Variants in BCAS3 observed in about 807,000 individuals in gnomAD.
The protein encoded by BCAS3 is BCAS4/BCAS3 fusion.
In BCAS3, 53 loss-of-function variants were observed where a neutral mutation model predicts 116.1. The observed-to-expected ratio is 0.46, with a 90% confidence interval of 0.37 to 0.57. The LOEUF (loss-of-function observed/expected upper bound fraction) is 0.57, where lower values mean the gene tolerates loss of function less well. BCAS3 is among the 20% of genes least tolerant of loss of function. BCAS3 has a pLI of 0.00. For missense variants in BCAS3, 917 were observed against 1,165.4 expected, an observed-to-expected ratio of 0.79 and a Z score of 3.10; for synonymous variants, 391 against 408.2, an observed-to-expected ratio of 0.96 and a Z score of 0.51.
intron 7 of BCAS3, among the ~76,000 whole-genome samples, chr17:60,839,604 CTTTTCT>C (rs914832082): frequency 1.1e-4 from 17 of 152,096 alleles, no homozygotes; most frequent in Non-Finnish European, 4.4e-5. Flanking sequence ...TTTCCATTTT[CTTTTCT>C]TTTTCTTTTT....
rs1428276210 is a variant in BCAS3, at chr17:61,208,020, TAAC to T, written c.2425+123459_2425+123461del. 2.0e-5 allele frequency among the ~76,000 whole-genome samples: 3 copies of T among 152,146 alleles called. No homozygotes were observed. The highest frequency in any genetic ancestry group is 4.1e-4 in the South Asian group (2 of 4,828). On this transcript the variant is annotated intron_variant, in intron 22 of 23. Transcript: ENST00000407086. This position sits in a 1 kb window ranked among gnomAD's most constrained non-coding sequence, Gnocchi z 4.5. ...TTACTATTAGTCTTTTATATGGAAA[TAAC>T]AAAAAACTTAGGAGATAATGTTGAT...
In BCAS3 at chr17:61,215,841, G is replaced by A. The variant is rs988626391; in HGVS notation, c.2425+131277G>A. On this transcript the variant is annotated intron_variant, in intron 22 of 23. Coordinates refer to ENST00000407086, the MANE Select transcript of BCAS3 (RefSeq NM_017679.5). The surrounding 1 kb of genome is among the most constrained non-coding windows in gnomAD (Gnocchi z 4.8). Reference sequence around the variant, plus strand: ...AATTCCAGTTGAAGTTGGAGCTTAGGCATCAGTATTTTTCAGACTCCCTGA... The same window carrying A: ...AATTCCAGTTGAAGTTGGAGCTTAGACATCAGTATTTTTCAGACTCCCTGA... Among the ~76,000 whole-genome samples, 11 of 152,142 alleles carry A rather than the reference G, an allele frequency of 7.2e-5. No homozygotes were observed. Among genetic ancestry groups the A allele is most frequent in the African/African-American group, 2.7e-4 (11 of 41,424 alleles).
intron 8 of BCAS3, among the ~76,000 whole-genome samples, chr17:60,873,939 A>C (rs780773814): frequency 6.6e-6 from 1 of 152,188 alleles, no homozygotes; most frequent in Non-Finnish European, 1.5e-5. Context: ...CCTGGGCTCA[A>C]GTGATTCTCC....
chr17:60,968,864 T>G (rs1324247556), intron 14 of BCAS3, among the ~76,000 whole-genome samples: 1 of 152,124 alleles, frequency 6.6e-6, no homozygotes, highest in African/African-American at 2.4e-5. Context: ...TCAGGGTTGT[T>G]TCTCCCATCA....
chr17:61,314,227 G>C (rs1425336499), intron 22 of BCAS3, among the ~76,000 whole-genome samples: 1 of 152,146 alleles, frequency 6.6e-6, no homozygotes, highest in Non-Finnish European at 1.5e-5. Context: ...TTCTCCCTTT[G>C]TACTAAGCTG....
Position 60,874,749 on chromosome 17 carries a change from A to ATT in BCAS3, c.661+18_661+19dup. 6.3e-7 allele frequency: 1 copy of ATT among 1,588,836 alleles called. No homozygotes were observed. The highest frequency in any genetic ancestry group is 8.6e-7 in the Non-Finnish European group (1 of 1,162,270). On this transcript the variant is annotated intron_variant, in intron 9 of 23. Coordinates refer to ENST00000407086, the MANE Select transcript of BCAS3 (RefSeq NM_017679.5). The stretch of plus-strand genomic sequence containing the variant: ...AATTCTTTGTTACAAGTATGTACCA[A>ATT]TTTTTTTTCCCTTCTTATGCCTTTG...
chr17:60,731,058 T>C (rs961690720), intron 5 of BCAS3, among the ~76,000 whole-genome samples: 2 of 151,634 alleles, frequency 1.3e-5, no homozygotes, highest in African/African-American at 4.9e-5. Context: ...AATTTCTCCC[T>C]AATTAAAAGT....
chr17:60,838,870 C>T (rs961417598), intron 7 of BCAS3, among the ~76,000 whole-genome samples: 25 of 152,064 alleles, frequency 1.6e-4, no homozygotes, highest in African/African-American at 6.0e-4. Flanking sequence ...AGTGGCTATT[C>T]ACAGGCATGA....
At chr17:61,273,137 T>C (rs1407015928) in intron 22 of BCAS3, among the ~76,000 whole-genome samples, 2 of 151,712 alleles carry the variant, frequency 1.3e-5, no homozygotes, top group Non-Finnish European at 2.9e-5. Context: ...AGACATGGTC[T>C]CACTTTGTCA....
intron 22 of BCAS3, among the ~76,000 whole-genome samples, chr17:61,112,732 C>T (rs1268876464): frequency 2.7e-4 from 41 of 150,114 alleles, no homozygotes; most frequent in South Asian, 1.1e-3. Context: ...CTGCACCAAG[C>T]GGACCTAATA....
intron 6 of BCAS3, among the ~76,000 whole-genome samples, chr17:60,802,270 T>G (rs1240984847): frequency 7.5e-6 from 1 of 134,042 alleles, no homozygotes; most frequent in Non-Finnish European, 1.5e-5. Context: ...TGCAACAGAG[T>G]GAGACTCTGT....
At chr17:61,079,843 G>A (rs1299885383) in intron 21 of BCAS3, among the ~76,000 whole-genome samples, 3 of 144,806 alleles carry the variant, frequency 2.1e-5, no homozygotes, top group Admixed American at 7.0e-5. Context: ...TGATCCTCCC[G>A]CCTTGGCCTC....
intron 23 of BCAS3, among the ~76,000 whole-genome samples, chr17:61,369,236 T>C (rs1476102661): frequency 6.6e-6 from 1 of 152,200 alleles, no homozygotes; most frequent in Non-Finnish European, 1.5e-5. Context: ...TAGCCCTGCT[T>C]TTGTGCTGAC....
chr17:61,260,061 T>G (rs922074989), intron 22 of BCAS3, among the ~76,000 whole-genome samples: 47 of 152,350 alleles, frequency 3.1e-4, no homozygotes, highest in African/African-American at 1.1e-3. Context: ...AGATAAGTAC[T>G]GGATAAGTTA....
At chr17:61,185,325 G>A (rs2079703600) in intron 22 of BCAS3, among the ~76,000 whole-genome samples, 1 of 152,066 alleles carries the variant, frequency 6.6e-6, no homozygotes, top group African/African-American at 2.4e-5. Context: ...TTATTTGAAT[G>A]TATAAGCCTC....
At chr17:61,272,636 C>CAAAA (rs373837874) in intron 22 of BCAS3, among the ~76,000 whole-genome samples, 1,580 of 47,324 alleles carry the variant, frequency 0.033, 304 homozygotes, top group Non-Finnish European at 0.039. Context: ...AACCCTGTCT[C>CAAAA]AAAAAAAAAA....
chr17:60,704,812 T>C (rs2036896189), intron 4 of BCAS3, among the ~76,000 whole-genome samples: 1 of 149,796 alleles, frequency 6.7e-6, no homozygotes, highest in Non-Finnish European at 1.5e-5. Context: ...CACTCCAGCC[T>C]GGGAGACAGA....
At chr17:61,102,451 C>T (rs949272779) in intron 22 of BCAS3, among the ~76,000 whole-genome samples, 1 of 152,080 alleles carries the variant, frequency 6.6e-6, no homozygotes, top group African/African-American at 2.4e-5. Context: ...CACCTGTATT[C>T]ACAAAATATT....
At chr17:60,969,595 G>A (rs985108859) in intron 14 of BCAS3, among the ~76,000 whole-genome samples, 1 of 152,134 alleles carries the variant, frequency 6.6e-6, no homozygotes, top group South Asian at 2.1e-4. Context: ...TGCAGAAGGT[G>A]AGGAGAGTAA....
Sources: gnomAD v4.1 joint callset for allele counts (sites outside exome capture counted in the v4.1 genomes callset) on GRCh38, gnomAD v4.1.1 for gene constraint, Gnocchi (gnomAD v3.1) non-coding constraint, MANE v1.5 for transcripts, NCBI Gene and HGNC (gene_info 2026-07-23, HGNC 2026-07-21) for gene names.